TINAGL1: variants seen among roughly 807,000 people sequenced by gnomAD.
TINAGL1 encodes tubulointerstitial nephritis antigen-like.
Under a neutral mutation model 62.0 loss-of-function variants are expected in TINAGL1, and 34 were observed. That is an observed-to-expected ratio of 0.55 (90% confidence interval 0.42 to 0.73). The LOEUF is 0.73. Ranked by LOEUF, TINAGL1 falls within the 30% of genes least tolerant of loss-of-function variation. The pLI is 0.00. For missense variants in TINAGL1, 516 were observed against 653.2 expected (o/e 0.79, Z 2.29); for synonymous variants, 221 against 249.7 (o/e 0.88, Z 1.08).
At chr1:31,580,060 G>T (rs954327772) in intron 3 of TINAGL1, among the ~76,000 whole-genome samples, 9 of 138,604 alleles carry the variant, frequency 6.5e-5, no homozygotes, top group African/African-American at 2.5e-4. Flanking sequence ...GACTGTGTGT[G>T]CACTGTGTGT....
chr1:31,584,857 C>G lies in TINAGL1; in HGVS notation c.707-29C>G. On this transcript the variant is annotated intron_variant, in intron 6 of 11. Transcript: ENST00000271064. The surrounding 1 kb of genome is among the most constrained non-coding windows in gnomAD (Gnocchi z 4.0). The stretch of plus-strand genomic sequence containing the variant: ...AGAGGAGGGCCAAGTCCTGAGCCTC[C>G]CGACAGCCCCTCTATCTCACCCCAC... The G allele has an allele frequency of 6.2e-7, 1 of 1,613,512 alleles. No individual in the cohort carries two copies. Among genetic ancestry groups the G allele is most frequent in the Non-Finnish European group, 8.5e-7 (1 of 1,179,462 alleles).
At chr1:31,579,657 A>AC in intron 3 of TINAGL1, 1 of 175,032 alleles carries the variant, frequency 5.7e-6, no homozygotes, top group East Asian at 1.7e-4. Flanking sequence ...AGGGTCAGGG[A>AC]TGGCTGAGCG....
At chr1:31,580,783 C>T (rs1465721926) in intron 3 of TINAGL1, 57 of 1,206,598 alleles carry the variant, frequency 4.7e-5, no homozygotes, top group Non-Finnish European at 5.6e-5. Context: ...GCCCTTCAGT[C>T]GGCACCTATT....
chr1:31,580,760 T>C (rs186200085), intron 3 of TINAGL1: 6 of 1,227,464 alleles, frequency 4.9e-6, no homozygotes, highest in South Asian at 4.1e-5. Context: ...CATTATAGAA[T>C]TCATAGAATG....
chr1:31,585,206 C>A lies in TINAGL1; in HGVS notation c.913C>A (p.Pro305Thr), dbSNP rs1639356798. 1 of 1,610,062 alleles carries A rather than the reference C, an allele frequency of 6.2e-7. No individual in the cohort carries two copies. The highest frequency in any genetic ancestry group is 8.5e-7 in the Non-Finnish European group (1 of 1,177,690). ...GGGCCGTGAACGAGACGAGGCTGGC[C>A]CTGCGCCCCCCTGTATGATGCACAG... ...FSGRERDEAG[P>T]APPCMMHSRA... Residue 305 changes from proline (P) to threonine (T), a missense_variant, in exon 8 of 12, where the codon CCT becomes ACT. Coordinates refer to ENST00000271064, the MANE Select transcript of TINAGL1 (RefSeq NM_022164.3). The surrounding 1 kb of genome is among the most constrained non-coding windows in gnomAD (Gnocchi z 4.3).
At position 31,586,801 on chromosome 1, in the gene TINAGL1, C is replaced by G. The variant is rs768384811; in HGVS notation, c.1264-38C>G. ...CCCGCCCCCTCTTCCCCTCGCCCCA[C>G]TCCCATTCCCCTTCTCACCACCCCT... On this transcript the variant is annotated intron_variant, in intron 11 of 11. Coordinates refer to ENST00000271064, the MANE Select transcript of TINAGL1 (RefSeq NM_022164.3). 17 of 1,547,462 alleles carry G rather than the reference C, an allele frequency of 1.1e-5. No individual in the cohort carries two copies. The African/African-American group carries it at 1.6e-4, about 15-fold the overall frequency.
chr1:31,578,467 CAGTTAT>C (rs754270905), intron 2 of TINAGL1, among the ~76,000 whole-genome samples: 154 of 107,524 alleles, frequency 1.4e-3, no homozygotes, highest in Non-Finnish European at 1.9e-3. Context: ...GTGATGTCTT[CAGTTAT>C]AGTTTAATTT....
intron 10 of TINAGL1, 75 bp from the exon 11 acceptor site, chr1:31,586,635 G>T: frequency 6.5e-7 from 1 of 1,538,734 alleles, no homozygotes. Flanking sequence ...GGCTGGATGG[G>T]GCAGGTTTCC....
In TINAGL1 at chr1:31,584,433, G is replaced by A; in HGVS notation, c.583-245G>A. 1 of 535,432 alleles carries A rather than the reference G, an allele frequency of 1.9e-6. No individual in the cohort carries two copies. Among genetic ancestry groups the A allele is most frequent in the Non-Finnish European group, 3.4e-6 (1 of 296,074 alleles). 33.2% of individuals were successfully genotyped at this position (535,432 alleles called of 1,614,324 possible). A position where few individuals can be genotyped will look rare whatever the true frequency, so the allele number is the denominator to read the frequency against. ...GCCTGGCCTCAGCTGCCTCATCTGGGAAGCAGGACTAGTCACCACCGCCAC... is the reference window on the plus strand; with the variant it reads ...GCCTGGCCTCAGCTGCCTCATCTGGAAAGCAGGACTAGTCACCACCGCCAC... On this transcript the variant is annotated intron_variant, in intron 5 of 11. Coordinates refer to ENST00000271064, the MANE Select transcript of TINAGL1 (RefSeq NM_022164.3). This position sits in a 1 kb window ranked among gnomAD's most constrained non-coding sequence, Gnocchi z 4.0.
rs1638981693 is a variant in TINAGL1, at chr1:31,576,975, C to T, written c.-15-159C>T. The T allele has an allele frequency of 3.1e-6, 2 of 643,682 alleles. No homozygotes were observed. 39.9% of individuals were successfully genotyped at this position (643,682 alleles called of 1,614,324 possible). A position where few individuals can be genotyped will look rare whatever the true frequency, so the allele number is the denominator to read the frequency against. ...GTCCCCATCCCCCTATAGCCAGGGC[C>T]CACACACTGGGGCTCCTCTGCCCGT... On this transcript the variant is annotated intron_variant, in intron 1 of 11. Coordinates refer to ENST00000271064, the MANE Select transcript of TINAGL1 (RefSeq NM_022164.3). This position sits in a 1 kb window ranked among gnomAD's most constrained non-coding sequence, Gnocchi z 5.1.
chr1:31,586,701 T>C lies in TINAGL1; in HGVS notation c.1218-9T>C. On this transcript the variant is annotated splice_polypyrimidine_tract_variant and intron_variant, in intron 10 of 11. Transcript: ENST00000271064. ...CAGCTCCCTTCCCCCTCCTCTGCTCTGCCCACAGATGGGGAGAGGAGACGC... is the reference window on the plus strand; with the variant it reads ...CAGCTCCCTTCCCCCTCCTCTGCTCCGCCCACAGATGGGGAGAGGAGACGC... The C allele has an allele frequency of 6.4e-7, 1 of 1,557,812 alleles. No homozygotes were observed. Among genetic ancestry groups the C allele is most frequent in the Non-Finnish European group, 8.7e-7 (1 of 1,150,372 alleles).
chr1:31,580,489 G>A, intron 3 of TINAGL1: 1 of 1,289,320 alleles, frequency 7.8e-7, no homozygotes, highest in South Asian at 1.2e-5. Flanking sequence ...GTCGGGTGCT[G>A]CTGCCTAGGT....
At position 31,577,740 on chromosome 1, in the gene TINAGL1, C is replaced by T; in HGVS notation, c.310+282C>T. On this transcript the variant is annotated intron_variant, in intron 2 of 11. Transcript: ENST00000271064. The surrounding 1 kb of genome is among the most constrained non-coding windows in gnomAD (Gnocchi z 5.4). ...TGCTGGCCGCACCTGCTGACTCACT[C>T]TTGGGCTGATAAGGCACATATGGGT... is the stretch of plus-strand genomic sequence containing the variant. 4.5e-6 allele frequency: 2 copies of T among 446,630 alleles called. No homozygotes were observed. Among genetic ancestry groups the T allele is most frequent in the South Asian group, 3.8e-5 (1 of 26,082 alleles). The allele number at this position is 446,630 out of a possible 1,614,324, so 27.7% of individuals were successfully genotyped here. A position where few individuals can be genotyped will look rare whatever the true frequency, so the allele number is the denominator to read the frequency against.
intron 3 of TINAGL1, chr1:31,580,757 G>C: frequency 8.1e-7 from 1 of 1,228,320 alleles, no homozygotes; most frequent in Non-Finnish European, 1.0e-6. Flanking sequence ...AAGCATTATA[G>C]AATTCATAGA....
rs1570224652 is a variant in TINAGL1 at position 31,587,282 on chromosome 1, T to G, written c.*303T>G. Reference sequence around the variant, plus strand: ...TCAAGACTACCAAAGCCAGGACACCTCAAGTCTCCAGCCCCACTACCCCAC... The same window carrying G: ...TCAAGACTACCAAAGCCAGGACACCGCAAGTCTCCAGCCCCACTACCCCAC... On this transcript the variant is annotated 3_prime_UTR_variant, in exon 12 of 12. Coordinates refer to ENST00000271064, the MANE Select transcript of TINAGL1 (RefSeq NM_022164.3). The G allele has an allele frequency of 1.1e-5, 3 of 267,692 alleles. No individual in the cohort carries two copies. Among genetic ancestry groups the G allele is most frequent in the Non-Finnish European group, 2.1e-5 (3 of 144,316 alleles). The allele number at this position is 267,692 out of a possible 1,614,324, so 16.6% of individuals were successfully genotyped here. A position where few individuals can be genotyped will look rare whatever the true frequency, so the allele number is the denominator to read the frequency against.
chr1:31,578,139 T>C, intron 2 of TINAGL1: 2 of 987,082 alleles, frequency 2.0e-6, no homozygotes, highest in Non-Finnish European at 2.4e-6. Context: ...CCAAGTAAAG[T>C]AAGAGGAATC....
intron 3 of TINAGL1, among the ~76,000 whole-genome samples, chr1:31,580,058 G>A (rs975620740): frequency 7.2e-6 from 1 of 139,522 alleles, no homozygotes; most frequent in African/African-American, 2.7e-5. Context: ...GTGACTGTGT[G>A]TGCACTGTGT....
chr1:31,585,811 G>A lies in TINAGL1; in HGVS notation c.1152G>A (p.Thr384=), dbSNP rs750762255. The A allele has an allele frequency of 2.5e-5, 40 of 1,612,686 alleles. No individual in the cohort carries two copies. Among genetic ancestry groups the A allele is most frequent in the Admixed American group, 5.0e-5 (3 of 59,808 alleles). ...ACAAGGGAGGCATCTACAGCCACAC[G>A]CCAGTGAGCCTTGGGAGGCCAGAGA... The part of the protein sequence containing the change: ...FLYKGGIYSH[T]PVSLGRPERY... The change falls in exon 10 of 12, where the codon ACG becomes ACA. Residue 384 remains threonine (T), a synonymous_variant. Transcript: ENST00000271064. The surrounding 1 kb of genome is among the most constrained non-coding windows in gnomAD (Gnocchi z 4.3).
In TINAGL1 at chr1:31,577,697, T is replaced by TTTTC. The variant is rs2148583883; in HGVS notation, c.310+240_310+243dup. 1 of 549,152 alleles carries TTTTC rather than the reference T, an allele frequency of 1.8e-6. No individual in the cohort carries two copies. Among genetic ancestry groups the TTTTC allele is most frequent in the Non-Finnish European group, 3.2e-6 (1 of 315,998 alleles). 34.0% of individuals were successfully genotyped at this position (549,152 alleles called of 1,614,324 possible). On this transcript the variant is annotated intron_variant, in intron 2 of 11. Coordinates refer to ENST00000271064, the MANE Select transcript of TINAGL1 (RefSeq NM_022164.3). The surrounding 1 kb of genome is among the most constrained non-coding windows in gnomAD (Gnocchi z 5.4). ...CCACATTTTCTCCCAATCCTGTCTC[T>TTTTC]TTTCCAGACACGGAAGGTGCTGGCC...
Sources: gnomAD v4.1 joint callset for allele counts (sites outside exome capture counted in the v4.1 genomes callset) on GRCh38, gnomAD v4.1.1 for gene constraint, Gnocchi (gnomAD v3.1) non-coding constraint, MANE v1.5 for transcripts, NCBI Gene and HGNC (gene_info 2026-07-23, HGNC 2026-07-21) for gene names.